The following ARID5B variants were observed in gnomAD, a reference collection of about 807,000 sequenced individuals.
ARID5B encodes AT-rich interactive domain-containing protein 5B.
A neutral mutation model predicts 97.2 loss-of-function variants in ARID5B; 13 were observed. The observed-to-expected ratio is 0.13, with a 90% CI of 0.09 to 0.21. The LOEUF (loss-of-function observed/expected upper bound fraction) is 0.21. Among genes scored for constraint, ARID5B ranks in the 10% least tolerant of loss-of-function variants. The pLI, the probability that ARID5B is intolerant of heterozygous loss-of-function variation, is 1.00. For synonymous variants in ARID5B, 556 were observed against 570.3 expected, an observed-to-expected ratio of 0.97 and a Z score of 0.36; for missense variants, 1,210 against 1,465.3, an observed-to-expected ratio of 0.83 and a Z score of 2.84.
chr10:61,983,734 A>T (rs990718439), intron 3 of ARID5B, among the ~76,000 whole-genome samples: 21 of 152,014 alleles, frequency 1.4e-4, no homozygotes, highest in African/African-American at 5.1e-4. Flanking sequence ...AAGTTGTGGC[A>T]AGCCAAGTGC....
chr10:62,042,645 C>T (rs565963892), intron 4 of ARID5B, among the ~76,000 whole-genome samples: 60 of 152,298 alleles, frequency 3.9e-4, no homozygotes, highest in African/African-American at 1.4e-3. Context: ...TGCGTCGTGG[C>T]TCACGCCTGT....
chr10:62,070,144 G>A (rs1444871900), intron 8 of ARID5B, among the ~76,000 whole-genome samples: 3 of 151,960 alleles, frequency 2.0e-5, no homozygotes, highest in African/African-American at 4.8e-5. Flanking sequence ...CTACTCTGAG[G>A]TTGACATTGA....
intron 3 of ARID5B, among the ~76,000 whole-genome samples, chr10:61,949,919 T>C (rs1470428021): frequency 6.6e-6 from 1 of 152,198 alleles, no homozygotes; most frequent in African/African-American, 2.4e-5. Context: ...TTATCACTGA[T>C]AGATTGCCAA....
intron 3 of ARID5B, among the ~76,000 whole-genome samples, chr10:61,964,412 A>G (rs1838515912): frequency 6.6e-6 from 1 of 152,196 alleles, no homozygotes; most frequent in African/African-American, 2.4e-5. Context: ...ACCCAGGGGC[A>G]GGAATCTGTC....
intron 5 of ARID5B, among the ~76,000 whole-genome samples, chr10:62,055,166 C>A (rs1326440889): frequency 6.6e-6 from 1 of 152,126 alleles, no homozygotes; most frequent in African/African-American, 2.4e-5. Context: ...ATAAGATAGG[C>A]TTTTTAATTA....
chr10:62,085,577 C>T (rs1840269227), intron 8 of ARID5B, 125 bp from the exon 9 acceptor site: 1 of 790,824 alleles, frequency 1.3e-6, no homozygotes, highest in Admixed American at 2.4e-5. Context: ...AGAAGTATAG[C>T]ACTGTCACTG....
Position 62,092,258 on chromosome 10 carries a change from A to T in ARID5B, c.2795A>T (p.Gln932Leu). Residue 932 changes from glutamine to leucine, a missense_variant, in exon 10 of 10, where the codon CAG becomes CTG. Around this residue, in one of 8 missense-constraint regions of ARID5B, gnomAD observed 800 missense variants for 839.1 expected, o/e 0.95. Coordinates refer to ENST00000279873, the MANE Select transcript of ARID5B (RefSeq NM_032199.3). ...LGLAHSTTGPQESKGISQFQV... is the reference protein window; with the variant it reads ...LGLAHSTTGPLESKGISQFQV... Reference sequence around the variant, plus strand: ...CTGGCTCATTCCACCACAGGGCCCCAGGAGAGCAAAGGCATCTCCCAGTTC... The same window carrying T: ...CTGGCTCATTCCACCACAGGGCCCCTGGAGAGCAAAGGCATCTCCCAGTTC... 6.2e-7 allele frequency: 1 copy of T among 1,607,212 alleles called. No individual in the cohort carries two copies. Among genetic ancestry groups the T allele is most frequent in the East Asian group, 2.2e-5 (1 of 44,850 alleles).
At chr10:61,995,386 A>G (rs1838982843) in intron 3 of ARID5B, among the ~76,000 whole-genome samples, 2 of 152,344 alleles carry the variant, frequency 1.3e-5, no homozygotes, top group East Asian at 1.9e-4. Flanking sequence ...GAAGTAGCCG[A>G]GGAATTTAAA....
At chr10:61,963,221 C>G (rs981959552) in intron 3 of ARID5B, among the ~76,000 whole-genome samples, 1 of 152,168 alleles carries the variant, frequency 6.6e-6, no homozygotes, top group African/African-American at 2.4e-5. Flanking sequence ...TGATTCCTTT[C>G]TTCTGAATGA....
intron 3 of ARID5B, among the ~76,000 whole-genome samples, chr10:61,966,526 A>AT (rs1015427073): frequency 2.1e-4 from 31 of 150,628 alleles, no homozygotes; most frequent in African/African-American, 5.4e-4. Flanking sequence ...ACAACTGTAG[A>AT]TTTTTTTTTT....
chr10:61,908,820 A>AAAAAAAAAAAAAAAAGAAG (rs1251041161), intron 2 of ARID5B, among the ~76,000 whole-genome samples: 1 of 146,168 alleles, frequency 6.8e-6, no homozygotes, highest in African/African-American at 2.7e-5. Flanking sequence ...AAAAAAAAAA[A>AAAAAAAAAAAAAAAAGAAG]AAGAAGAAGA....
At chr10:62,072,681 T>C (rs1361012892) in intron 8 of ARID5B, among the ~76,000 whole-genome samples, 1 of 152,228 alleles carries the variant, frequency 6.6e-6, no homozygotes, top group Non-Finnish European at 1.5e-5. Flanking sequence ...TCTAGACTCC[T>C]CTCACATCCT....
intron 4 of ARID5B, among the ~76,000 whole-genome samples, chr10:62,005,507 TG>T (rs771668105): frequency 2.1e-4 from 32 of 152,244 alleles, no homozygotes; most frequent in Non-Finnish European, 3.8e-4. Context: ...CTAAGGCTCC[TG>T]GGGTCTTACT....
intron 2 of ARID5B, among the ~76,000 whole-genome samples, chr10:61,929,946 G>C: frequency 6.6e-6 from 1 of 152,226 alleles, no homozygotes; most frequent in East Asian, 1.9e-4. Flanking sequence ...TTACAAGTAA[G>C]TCAAAGGGAA....
intron 3 of ARID5B, among the ~76,000 whole-genome samples, chr10:61,987,315 C>T (rs1838861205): frequency 6.6e-6 from 1 of 152,150 alleles, no homozygotes; most frequent in South Asian, 2.1e-4. Context: ...AGAAAAAGAA[C>T]CAACATTAAT....
chr10:62,042,369 T>G (rs1352547601), intron 4 of ARID5B, among the ~76,000 whole-genome samples: 1 of 152,122 alleles, frequency 6.6e-6, no homozygotes, highest in Non-Finnish European at 1.5e-5. Context: ...GAGAGATGAA[T>G]AGGAGAAAGG....
At chr10:62,051,641 T>C (rs1839792233) in intron 5 of ARID5B, among the ~76,000 whole-genome samples, 1 of 152,242 alleles carries the variant, frequency 6.6e-6, no homozygotes, top group Admixed American at 6.5e-5. Context: ...TTCTTTGGAA[T>C]CTTGAAAGTG....
intron 2 of ARID5B, among the ~76,000 whole-genome samples, chr10:61,909,550 C>A (rs572255357): frequency 1.3e-5 from 2 of 152,260 alleles, no homozygotes; most frequent in South Asian, 4.1e-4. Context: ...TGGTCCCGAT[C>A]TCCTGACCTC....
Position 62,069,563 on chromosome 10 carries a change from C to T in ARID5B, c.1102-137C>T, listed in dbSNP as rs536045546. ...CTCACTATGAAACCATAAATCACCC[C>T]ATATACTCTTTTGGACTTCTCTGTT... On this transcript the variant is annotated intron_variant, in intron 7 of 9. Coordinates refer to ENST00000279873, the MANE Select transcript of ARID5B (RefSeq NM_032199.3). 13 of 706,596 alleles carry T rather than the reference C, an allele frequency of 1.8e-5. No homozygotes were observed. The East Asian group carries it at 3.0e-4, about 16-fold the overall frequency. 43.8% of individuals were successfully genotyped at this position (706,596 alleles called of 1,614,324 possible).
Sources: gnomAD v4.1 joint callset for allele counts (sites outside exome capture counted in the v4.1 genomes callset) on GRCh38, gnomAD v4.1.1 for gene constraint, gnomAD v4.1.1 regional missense constraint, MANE v1.5 for transcripts, NCBI Gene and HGNC (gene_info 2026-07-23, HGNC 2026-07-21) for gene names.